The following DNAJC12 variants were observed in gnomAD, a reference collection of about 807,000 sequenced individuals.
The protein encoded by DNAJC12 is DnaJ heat shock protein family (Hsp40) member C12.
In DNAJC12, 25 loss-of-function variants were observed where a neutral mutation model predicts 28.5. The ratio of observed to expected loss-of-function variants is 0.88; its 90% confidence interval spans 0.64 to 1.22. The LOEUF (loss-of-function observed/expected upper bound fraction) is 1.22, where lower values mean the gene tolerates loss of function less well. DNAJC12 is among the 50% of genes most tolerant of loss of function. The pLI is 0.00. For missense variants in DNAJC12, 222 were observed against 231.7 expected (o/e 0.96, Z 0.27); for synonymous variants, 77 against 80.6 (o/e 0.95, Z 0.24).
At chr10:67,818,870 G>A (rs1841942003) in intron 2 of DNAJC12, among the ~76,000 whole-genome samples, 1 of 151,980 alleles carries the variant, frequency 6.6e-6, no homozygotes, top group African/African-American at 2.4e-5. Context: ...GGTCAGGCTG[G>A]TCTCAAGTTC....
At chr10:67,819,719 CAAGGAAGG>C (rs1221166816) in intron 2 of DNAJC12, among the ~76,000 whole-genome samples, 23 of 32,498 alleles carry the variant, frequency 7.1e-4, no homozygotes, top group African/African-American at 2.4e-3. Context: ...AGGAAGGAAG[CAAGGAAGG>C]AAGGAAGGAA....
chr10:67,806,104 A>C (rs1297759208), intron 3 of DNAJC12, among the ~76,000 whole-genome samples: 1 of 152,228 alleles, frequency 6.6e-6, no homozygotes. Context: ...AAATGAATAC[A>C]GTGAAAAAGA....
rs1254665954 is a variant in DNAJC12, at chr10:67,799,683, G to C, written c.503-2473C>G. Among the ~76,000 whole-genome samples, 4 of 152,086 alleles carry C rather than the reference G, an allele frequency of 2.6e-5. No homozygotes were observed. In the East Asian group the frequency reaches 7.7e-4, roughly 29 times the overall value. On this transcript the variant is annotated intron_variant, in intron 4 of 4. Transcript: ENST00000225171. ...GCAGATCACAAGGTTGGGAATTCGA[G>C]ACCAGCCTGACCAACATGGTGAAAC...
intron 2 of DNAJC12, among the ~76,000 whole-genome samples, chr10:67,821,351 T>C (rs1841979238): frequency 1.3e-5 from 2 of 151,984 alleles, no homozygotes; most frequent in African/African-American, 2.4e-5. Context: ...ACCCTGTCTC[T>C]ACTAAAAATA....
At chr10:67,837,519 A>G (rs1051111215) in intron 1 of DNAJC12, among the ~76,000 whole-genome samples, 8 of 152,156 alleles carry the variant, frequency 5.3e-5, no homozygotes, top group South Asian at 2.1e-4. Flanking sequence ...ACATTTTAAT[A>G]AAATATATTA....
At chr10:67,813,635 G>C (rs984863589) in intron 2 of DNAJC12, among the ~76,000 whole-genome samples, 24 of 151,442 alleles carry the variant, frequency 1.6e-4, no homozygotes, top group Non-Finnish European at 2.7e-4. Context: ...GCAGGCGCCT[G>C]TAATCCCAGC....
chr10:67,802,842 T>C (rs993859650), intron 4 of DNAJC12, among the ~76,000 whole-genome samples: 7 of 122,674 alleles, frequency 5.7e-5, no homozygotes, highest in East Asian at 5.0e-4. Flanking sequence ...ATTGTGCGTG[T>C]GTGTGTGTGT....
intron 4 of DNAJC12, among the ~76,000 whole-genome samples, chr10:67,801,924 G>C (rs1841750585): frequency 7.4e-6 from 1 of 134,700 alleles, no homozygotes; most frequent in South Asian, 2.4e-4. Context: ...TGCAGTGGCA[G>C]GATCATAGCT....
intron 4 of DNAJC12, among the ~76,000 whole-genome samples, chr10:67,803,562 A>T (rs1444261811): frequency 2.6e-5 from 4 of 152,200 alleles, no homozygotes; most frequent in African/African-American, 9.7e-5. Context: ...AAAGAAGGAA[A>T]ATTTCGTAGA....
intron 3 of DNAJC12, chr10:67,811,163 T>C (rs1841854498): frequency 4.2e-6 from 2 of 479,090 alleles, no homozygotes; most frequent in Non-Finnish European, 5.6e-6. Context: ...TGACATAAAC[T>C]AAAAAGATGG....
At chr10:67,823,202 C>T (rs1025552886) in intron 2 of DNAJC12, 112 bp downstream of exon 2, 17 of 827,952 alleles carry the variant, frequency 2.1e-5, no homozygotes, top group Non-Finnish European at 2.6e-5. Context: ...AGAAAGAATA[C>T]GGTTGAGCAT....
chr10:67,837,994 A>G lies in DNAJC12; in HGVS notation c.18T>C (p.Asn6=), dbSNP rs759727629. ...AATCTTCAGTATCTTCTGACCTGTA[A>G]TTCAGTATTGCATCCATTTAGATGA... MDAIL[N]YRSEDTEDYY... is the part of the protein sequence containing the mutation. The change falls in exon 1 of 5, where the codon AAT becomes AAC. Residue 6 remains asparagine (N), a synonymous_variant. Transcript: ENST00000225171. The G allele has an allele frequency of 6.2e-7, 1 of 1,608,252 alleles. No homozygotes were observed. Among genetic ancestry groups the G allele is most frequent in the Non-Finnish European group, 8.5e-7 (1 of 1,177,258 alleles).
chr10:67,826,903 CATT>C (rs1842041560), intron 1 of DNAJC12, among the ~76,000 whole-genome samples: 1 of 120,550 alleles, frequency 8.3e-6, no homozygotes, highest in Admixed American at 9.8e-5. Context: ...TATTATATGT[CATT>C]ATATATGATA....
At chr10:67,819,736 AAGG>A (rs1564863395) in intron 2 of DNAJC12, among the ~76,000 whole-genome samples, 10 of 22,574 alleles carry the variant, frequency 4.4e-4, no homozygotes, top group African/African-American at 2.0e-3. Context: ...GGAAGGAAGG[AAGG>A]AAGGAAGGAA....
intron 2 of DNAJC12, among the ~76,000 whole-genome samples, chr10:67,813,003 C>T (rs978110122): frequency 1.3e-5 from 2 of 152,238 alleles, no homozygotes; most frequent in East Asian, 1.9e-4. Flanking sequence ...GCCTGTCCGA[C>T]AGAGCAAGAC....
chr10:67,828,229 G>C (rs1282786126), intron 1 of DNAJC12, among the ~76,000 whole-genome samples: 1 of 152,060 alleles, frequency 6.6e-6, no homozygotes, highest in African/African-American at 2.4e-5. Context: ...GATGTAAATA[G>C]GTATAGACTT....
At chr10:67,800,118 G>A (rs1367415459) in intron 4 of DNAJC12, among the ~76,000 whole-genome samples, 1 of 149,154 alleles carries the variant, frequency 6.7e-6, no homozygotes, top group Non-Finnish European at 1.5e-5. Context: ...AGCCATTTGG[G>A]GGCGGAGGTG....
At chr10:67,799,567 G>C (rs1003415657) in intron 4 of DNAJC12, among the ~76,000 whole-genome samples, 1 of 152,130 alleles carries the variant, frequency 6.6e-6, no homozygotes, top group Non-Finnish European at 1.5e-5. Flanking sequence ...TATATAGTAA[G>C]TAAGTGTCAT....
intron 2 of DNAJC12, among the ~76,000 whole-genome samples, chr10:67,812,830 C>T (rs1279076114): frequency 4.7e-5 from 7 of 147,774 alleles, no homozygotes; most frequent in East Asian, 2.1e-4. Flanking sequence ...CCAGCCTGGG[C>T]GACAGAGCGA....
Sources: gnomAD v4.1 joint callset for allele counts (sites outside exome capture counted in the v4.1 genomes callset) on GRCh38, gnomAD v4.1.1 for gene constraint, MANE v1.5 for transcripts, NCBI Gene and HGNC (gene_info 2026-07-23, HGNC 2026-07-21) for gene names.